The following TLE1 variants were observed in gnomAD, a reference collection of about 807,000 sequenced individuals.
The protein encoded by TLE1 is TLE family member 1, transcriptional corepressor.
Under a neutral mutation model 89.8 loss-of-function variants are expected in TLE1, and 21 were observed. The ratio of observed to expected loss-of-function variants is 0.23; its 90% confidence interval spans 0.17 to 0.34. The LOEUF is 0.34. Ranked by LOEUF, TLE1 falls within the 10% of genes least tolerant of loss-of-function variation. The pLI, the probability that TLE1 is intolerant of heterozygous loss-of-function variation, is 1.00. For missense variants in TLE1, 795 were observed against 1,031.2 expected (o/e 0.77, Z 3.14); for synonymous variants, 447 against 407.6 (o/e 1.10, Z -1.16).
At chr9:81,681,952 G>A (rs1289330939) in intron 4 of TLE1, among the ~76,000 whole-genome samples, 1 of 152,128 alleles carries the variant, frequency 6.6e-6, no homozygotes, top group East Asian at 1.9e-4. Flanking sequence ...GGGATAGGAA[G>A]AAGCACAGAC....
intron 4 of TLE1, among the ~76,000 whole-genome samples, chr9:81,659,242 G>C (rs966847350): frequency 6.6e-6 from 1 of 152,126 alleles, no homozygotes; most frequent in Non-Finnish European, 1.5e-5. Context: ...TTCTATTCTT[G>C]ATTGGAGTGT....
rs570448965 is a variant in TLE1 at position 81,616,815 on chromosome 9, A to C, written c.712-116T>G. 69 of 1,044,998 alleles carry C rather than the reference A, an allele frequency of 6.6e-5. No homozygotes were observed. In the African/African-American group the frequency reaches 1.1e-3, roughly 16 times the overall value. 64.7% of individuals were successfully genotyped at this position (1,044,998 alleles called of 1,614,324 possible). On this transcript the variant is annotated intron_variant, in intron 9 of 19. Transcript: ENST00000376499. ...ACAGACTAAAAAAACTACCTGGGAC[A>C]GGCCTGCAGGCTCTCTATCAGTTTG...
In TLE1 at chr9:81,687,426, G is replaced by A; in HGVS notation, c.33C>T (p.His11=). The A allele has an allele frequency of 6.2e-7, 1 of 1,609,928 alleles. No individual in the cohort carries two copies. The highest frequency in any genetic ancestry group is 8.5e-7 in the Non-Finnish European group (1 of 1,178,554). ...ACTTGAAGGGCTGGCCTGCAGCCTG[G>A]TGCGGCGTCTGGGGGCGACCAGCGA... is the stretch of plus-strand genomic sequence containing the variant. MFPQSRHPTP[H]QAAGQPFKFT... is the part of the protein sequence containing the mutation. The change falls in exon 2 of 20, where the codon CAC becomes CAT. Residue 11 remains histidine, a synonymous_variant. Transcript: ENST00000376499.
intron 4 of TLE1, among the ~76,000 whole-genome samples, chr9:81,678,328 C>T (rs1422402979): frequency 1.3e-5 from 2 of 152,178 alleles, no homozygotes; most frequent in East Asian, 1.9e-4. Flanking sequence ...TCCTGCCTCA[C>T]TCAGCACTAG....
chr9:81,674,471 C>T (rs969462218), intron 4 of TLE1, among the ~76,000 whole-genome samples: 4 of 152,076 alleles, frequency 2.6e-5, no homozygotes, highest in Non-Finnish European at 4.4e-5. Context: ...CTGGTCCTTA[C>T]CCCCTTACCA....
intron 4 of TLE1, among the ~76,000 whole-genome samples, chr9:81,681,445 G>A (rs1189335299): frequency 2.0e-5 from 3 of 151,962 alleles, no homozygotes; most frequent in Non-Finnish European, 2.9e-5. Context: ...AACTACTGAG[G>A]AGGCTGAGGC....
Position 81,615,107 on chromosome 9 carries a change from AAAAAAAAAAAAAAAG to A in TLE1, c.918+860_918+874del, listed in dbSNP as rs1239256018. ...AAAAAAAAAAAAAAAAAAAAAAAAA[AAAAAAAAAAAAAAAG>A]AAGAAGAAGAAGAAGGCAATGAACA... On this transcript the variant is annotated intron_variant, in intron 11 of 19. Transcript: ENST00000376499. 3.8e-4 allele frequency among the ~76,000 whole-genome samples: 47 copies of A among 124,504 alleles called. 2 individuals are homozygous for A. The highest frequency in any genetic ancestry group is 1.7e-3 in the African/African-American group (46 of 26,292). The allele number at this position is 124,504 out of a possible 152,430, so 81.7% of individuals were successfully genotyped here. A position where few individuals can be genotyped will look rare whatever the true frequency, so the allele number is the denominator to read the frequency against.
At position 81,688,671 on chromosome 9, in the gene TLE1, G is replaced by A. The variant is rs1364413724; in HGVS notation, c.-431C>T. The A allele has an allele frequency of 2.4e-5, 4 of 167,826 alleles. No homozygotes were observed. Among genetic ancestry groups the A allele is most frequent in the Non-Finnish European group, 3.8e-5 (3 of 78,968 alleles). The allele number at this position is 167,826 out of a possible 1,614,324, so 10.4% of individuals were successfully genotyped here. On this transcript the variant is annotated 5_prime_UTR_variant, in exon 1 of 20. Coordinates refer to ENST00000376499, the MANE Select transcript of TLE1 (RefSeq NM_005077.5). ...AAATCCAGACGGACTGCTTTTCTTT[G>A]CTCTTCTCCTGGTCCGCCTCCTCTT...
intron 16 of TLE1, among the ~76,000 whole-genome samples, chr9:81,588,661 T>G (rs1294264244): frequency 6.6e-6 from 1 of 152,174 alleles, no homozygotes; most frequent in Non-Finnish European, 1.5e-5. Context: ...GCAGAGCTGC[T>G]GAGGGGAGGT....
At chr9:81,586,737 C>T (rs1440833022) in intron 17 of TLE1, among the ~76,000 whole-genome samples, 1 of 152,016 alleles carries the variant, frequency 6.6e-6, no homozygotes, top group Non-Finnish European at 1.5e-5. Flanking sequence ...TTCATAAATG[C>T]TTGGACATTT....
chr9:81,668,688 C>T (rs1249478739), intron 4 of TLE1, among the ~76,000 whole-genome samples: 1 of 151,932 alleles, frequency 6.6e-6, no homozygotes, highest in African/African-American at 2.4e-5. Context: ...CAAAAATACA[C>T]ATAATTAAAA....
At chr9:81,679,181 T>C (rs903158289) in intron 4 of TLE1, among the ~76,000 whole-genome samples, 1 of 152,134 alleles carries the variant, frequency 6.6e-6, no homozygotes, top group African/African-American at 2.4e-5. Flanking sequence ...TAATGAAACA[T>C]GTAATTTTGC....
chr9:81,687,291 C>T (rs1357922282), intron 2 of TLE1, 43 bp downstream of exon 2: 2 of 1,551,542 alleles, frequency 1.3e-6, no homozygotes, highest in African/African-American at 1.4e-5. Flanking sequence ...CAAGGGGCAC[C>T]GGGACGCCCG....
At chr9:81,675,708 G>GTTTTTTTTTTGT (rs1832808696) in intron 4 of TLE1, among the ~76,000 whole-genome samples, 2 of 132,440 alleles carry the variant, frequency 1.5e-5, no homozygotes, top group African/African-American at 6.0e-5. Context: ...GTTTTTTTTT[G>GTTTTTTTTTTGT]TTTTTTTTTT....
At position 81,607,529 on chromosome 9, in the gene TLE1, TC is replaced by T. The variant is rs567388592; in HGVS notation, c.1331+2690del. 9.8e-5 allele frequency among the ~76,000 whole-genome samples: 15 copies of T among 152,310 alleles called. No homozygotes were observed. In the South Asian group the frequency reaches 3.1e-3, roughly 32 times the overall value. Reference sequence around the variant, plus strand: ...CCTCTAACTCTTGAAGCTAGCTTTTTCCCTAAGGATCAGCTGAACTTGGCCT... The same window carrying T: ...CCTCTAACTCTTGAAGCTAGCTTTTTCCTAAGGATCAGCTGAACTTGGCCT... On this transcript the variant is annotated intron_variant, in intron 14 of 19. Transcript: ENST00000376499.
rs189884302 is a variant in TLE1, at chr9:81,617,419, C to T, written c.712-720G>A. 5.9e-5 allele frequency among the ~76,000 whole-genome samples: 9 copies of T among 152,310 alleles called. No individual in the cohort carries two copies. The East Asian group carries it at 1.5e-3, about 26-fold the overall frequency. On this transcript the variant is annotated intron_variant, in intron 9 of 19. Transcript: ENST00000376499. ...AAAAGATTCGGAAAAGCTGTTCAGC[C>T]GGGCACAGTGGCTCACGCCTGTAAT...
intron 14 of TLE1, among the ~76,000 whole-genome samples, chr9:81,601,367 T>C (rs1316128539): frequency 1.3e-5 from 2 of 152,128 alleles, no homozygotes; most frequent in Non-Finnish European, 2.9e-5. Flanking sequence ...CTTTAGGCTC[T>C]AAACCAAAAA....
At position 81,627,248 on chromosome 9, in the gene TLE1, G is replaced by C. The variant is rs142607301; in HGVS notation, c.594+6100C>G. On this transcript the variant is annotated intron_variant, in intron 8 of 19. Coordinates refer to ENST00000376499, the MANE Select transcript of TLE1 (RefSeq NM_005077.5). ...AAAAGAAAAAAACCTGCTCACAATT[G>C]CAGGTTTTCTAATTACAGAGCACAA... 2.8e-3 allele frequency among the ~76,000 whole-genome samples: 425 copies of C among 151,976 alleles called. 4 individuals are homozygous for C. Among genetic ancestry groups the C allele is most frequent in the African/African-American group, 9.6e-3 (396 of 41,458 alleles).
intron 4 of TLE1, among the ~76,000 whole-genome samples, chr9:81,674,820 G>C (rs1019528884): frequency 1.3e-5 from 2 of 152,094 alleles, no homozygotes; most frequent in South Asian, 4.1e-4. Flanking sequence ...GCAAGTCTAG[G>C]AGGAAAACCC....
Sources: allele counts gnomAD v4.1 joint callset (sites outside exome capture counted in the v4.1 genomes callset), GRCh38; gene constraint gnomAD v4.1.1; transcripts MANE v1.5; gene names NCBI Gene and HGNC (gene_info 2026-07-23, HGNC 2026-07-21).